TGFBR2: variants seen among roughly 807,000 people sequenced by gnomAD.
TGFBR2 encodes the protein TGF-beta receptor type-2.
In TGFBR2, 18 loss-of-function variants were observed where a neutral mutation model predicts 49.0. That is an observed-to-expected ratio of 0.37 (90% confidence interval 0.25 to 0.54). The LOEUF (loss-of-function observed/expected upper bound fraction) is 0.54, where lower values mean the gene tolerates loss of function less well. Ranked by LOEUF, TGFBR2 falls within the 20% of genes least tolerant of loss-of-function variation. The pLI, the probability that TGFBR2 is intolerant of heterozygous loss-of-function variation, is 0.85. For missense variants in TGFBR2, 525 were observed against 722.6 expected (o/e 0.73, Z 3.13); for synonymous variants, 282 against 275.9 (o/e 1.02, Z -0.22).
upstream of TGFBR2, chr3:30,606,525 G>A: frequency 3.8e-6 from 1 of 264,920 alleles, no homozygotes; most frequent in Non-Finnish European, 7.2e-6. Flanking sequence ...GCTCTCGGGC[G>A]GAGAGAGGTC....
At chr3:30,664,052 A>G (rs774559078) in intron 3 of TGFBR2, among the ~76,000 whole-genome samples, 8 of 151,808 alleles carry the variant, frequency 5.3e-5, no homozygotes, top group Non-Finnish European at 8.8e-5. Context: ...TGGCACCATT[A>G]TAGCTCACTG....
At chr3:30,644,602 C>A in intron 1 of TGFBR2, 145 bp from the exon 2 acceptor site, 1 of 773,294 alleles carries the variant, frequency 1.3e-6, no homozygotes, top group Non-Finnish European at 2.2e-6. Flanking sequence ...TAATTCTAAT[C>A]TGATGTGAAG....
At chr3:30,641,477 G>A (rs1332295782) in intron 1 of TGFBR2, among the ~76,000 whole-genome samples, 1 of 152,098 alleles carries the variant, frequency 6.6e-6, no homozygotes, top group Non-Finnish European at 1.5e-5. Flanking sequence ...AACTAATAGG[G>A]AGTCGATGGC....
At chr3:30,637,063 G>GA (rs752993282) in intron 1 of TGFBR2, among the ~76,000 whole-genome samples, 1,484 of 98,982 alleles carry the variant, frequency 0.015, 30 homozygotes, top group African/African-American at 0.047. Context: ...GACTCTGTCT[G>GA]AAAAAAAAAA....
intron 3 of TGFBR2, among the ~76,000 whole-genome samples, chr3:30,659,706 A>AG (rs1439578923): frequency 6.6e-6 from 1 of 151,466 alleles, no homozygotes; most frequent in African/African-American, 2.4e-5. Flanking sequence ...TGAGTGGCCA[A>AG]GAAAGCAGTC....
rs1033150612 is a variant in TGFBR2 at position 30,694,123 on chromosome 3, T to C, written c.*2524T>C. On this transcript the variant is annotated 3_prime_UTR_variant, in exon 7 of 7. Coordinates refer to ENST00000295754, the MANE Select transcript of TGFBR2 (RefSeq NM_003242.6). Reference sequence around the variant, plus strand: ...CTCAGGTGAGCATCCTGCCTCCTGTTCCCATTCCTAGTAGCTAAATCCATT... The same window carrying C: ...CTCAGGTGAGCATCCTGCCTCCTGTCCCCATTCCTAGTAGCTAAATCCATT... The C allele has an allele frequency of 4.4e-6, 1 of 227,778 alleles. No homozygotes were observed. Among genetic ancestry groups the C allele is most frequent in the African/African-American group, 2.2e-5 (1 of 45,058 alleles). The allele number at this position is 227,778 out of a possible 1,614,324, so 14.1% of individuals were successfully genotyped here. A position where few individuals can be genotyped will look rare whatever the true frequency, so the allele number is the denominator to read the frequency against.
chr3:30,612,203 T>C (rs936401409), intron 1 of TGFBR2, among the ~76,000 whole-genome samples: 1 of 152,160 alleles, frequency 6.6e-6, no homozygotes, highest in Non-Finnish European at 1.5e-5. Context: ...CCACTTGATA[T>C]TATGTATCTC....
chr3:30,607,778 A>G (rs1356815663), intron 1 of TGFBR2, among the ~76,000 whole-genome samples: 1 of 143,288 alleles, frequency 7.0e-6, no homozygotes, highest in Non-Finnish European at 1.5e-5. Flanking sequence ...AAGGTTTTTA[A>G]GGAAAAAATA....
intron 5 of TGFBR2, 42 bp downstream of exon 5, chr3:30,674,288 T>A (rs756557655): frequency 6.2e-7 from 1 of 1,612,476 alleles, no homozygotes; most frequent in Non-Finnish European, 8.5e-7. Context: ...TAAACTTGTC[T>A]TCAAAATAAG....
intron 1 of TGFBR2, among the ~76,000 whole-genome samples, chr3:30,632,682 G>A (rs183814371): frequency 1.3e-5 from 2 of 152,294 alleles, no homozygotes; most frequent in East Asian, 1.9e-4. Flanking sequence ...TGCATGGAAT[G>A]TTACCTTTCT....
At chr3:30,627,114 T>C (rs1298535375) in intron 1 of TGFBR2, among the ~76,000 whole-genome samples, 2 of 152,164 alleles carry the variant, frequency 1.3e-5, no homozygotes, top group African/African-American at 2.4e-5. Flanking sequence ...GGAAGCTCCT[T>C]AGAGTGCCAG....
At position 30,691,781 on chromosome 3, in the gene TGFBR2, C is replaced by T. The variant is rs1173417122; in HGVS notation, c.*182C>T. On this transcript the variant is annotated 3_prime_UTR_variant, in exon 7 of 7. Coordinates refer to ENST00000295754, the MANE Select transcript of TGFBR2 (RefSeq NM_003242.6). Reference sequence around the variant, plus strand: ...CAGGGAGTGGGTGACATAGAGCATTCTATGCCTTTGACATTGTCATAGGAT... The same window carrying T: ...CAGGGAGTGGGTGACATAGAGCATTTTATGCCTTTGACATTGTCATAGGAT... The T allele has an allele frequency of 1.5e-6, 1 of 652,724 alleles. No homozygotes were observed. Among genetic ancestry groups the T allele is most frequent in the Non-Finnish European group, 2.7e-6 (1 of 367,086 alleles). The allele number at this position is 652,724 out of a possible 1,614,324, so 40.4% of individuals were successfully genotyped here. A position where few individuals can be genotyped will look rare whatever the true frequency, so the allele number is the denominator to read the frequency against.
At chr3:30,646,797 A>G (rs1575144771) in intron 2 of TGFBR2, among the ~76,000 whole-genome samples, 1 of 152,126 alleles carries the variant, frequency 6.6e-6, no homozygotes, top group Admixed American at 6.6e-5. Flanking sequence ...TTTGCAACCC[A>G]AAAAGGCTCT....
In TGFBR2 at chr3:30,693,686, C is replaced by T; in HGVS notation, c.*2087C>T. On this transcript the variant is annotated 3_prime_UTR_variant, in exon 7 of 7. Coordinates refer to ENST00000295754, the MANE Select transcript of TGFBR2 (RefSeq NM_003242.6). ...CACCGTAGGGCATGCTGATACCATC[C>T]CAATAGCTGTTGCCCATTGACCTCT... The T allele has an allele frequency of 4.3e-6, 1 of 233,630 alleles. No individual in the cohort carries two copies. Among genetic ancestry groups the T allele is most frequent in the Non-Finnish European group, 8.5e-6 (1 of 117,952 alleles). 14.5% of individuals were successfully genotyped at this position (233,630 alleles called of 1,614,324 possible).
At chr3:30,630,052 A>G (rs1698407532) in intron 1 of TGFBR2, among the ~76,000 whole-genome samples, 1 of 152,202 alleles carries the variant, frequency 6.6e-6, no homozygotes, top group Non-Finnish European at 1.5e-5. Flanking sequence ...TTACATTTAT[A>G]GGCATACATT....
At chr3:30,620,895 CT>C (rs768027186) in intron 1 of TGFBR2, among the ~76,000 whole-genome samples, 1 of 152,148 alleles carries the variant, frequency 6.6e-6, no homozygotes, top group African/African-American at 2.4e-5. Context: ...AAGGTGACCC[CT>C]GGTTGTACTT....
chr3:30,625,111 T>C (rs1575134755), intron 1 of TGFBR2, among the ~76,000 whole-genome samples: 4 of 152,374 alleles, frequency 2.6e-5, no homozygotes, highest in African/African-American at 9.6e-5. Flanking sequence ...TTTTACATAC[T>C]GATTCCTGTT....
chr3:30,638,994 A>T (rs1698593959), intron 1 of TGFBR2, among the ~76,000 whole-genome samples: 2 of 152,140 alleles, frequency 1.3e-5, no homozygotes, highest in South Asian at 4.2e-4. Context: ...TTCTGGGCCC[A>T]TATGGTGATC....
Position 30,672,087 on chromosome 3 carries a change from G to A in TGFBR2, c.904G>A (p.Glu302Lys), listed in dbSNP as rs2125435000. 1.2e-6 allele frequency: 2 copies of A among 1,614,220 alleles called. No homozygotes were observed. Among genetic ancestry groups the A allele is most frequent in the Middle Eastern group, 1.6e-4 (1 of 6,062 alleles). The change falls in exon 4 of 7, where the codon GAG becomes AAG. Residue 302 changes from glutamate (E) to lysine (K), a missense_variant. Glu to Lys is a moderately conservative substitution (Grantham distance 56). Around this residue, in one of 3 missense-constraint regions of TGFBR2, gnomAD observed 376 missense variants for 478.2 expected, o/e 0.79. Transcript: ENST00000295754. This position sits in a 1 kb window ranked among gnomAD's most constrained non-coding sequence, Gnocchi z 4.5. ...DIFSDINLKH[E>K]NILQFLTAEE... is the part of the protein sequence containing the mutation. Reference sequence around the variant, plus strand: ...CTTCTCAGACATCAATCTGAAGCATGAGAACATACTCCAGTTCCTGACGGC... The same window carrying A: ...CTTCTCAGACATCAATCTGAAGCATAAGAACATACTCCAGTTCCTGACGGC...
Sources: gnomAD v4.1 joint callset for allele counts (sites outside exome capture counted in the v4.1 genomes callset) on GRCh38, gnomAD v4.1.1 for gene constraint, gnomAD v4.1.1 regional missense constraint, Gnocchi (gnomAD v3.1) non-coding constraint, MANE v1.5 for transcripts, NCBI Gene and HGNC (gene_info 2026-07-23, HGNC 2026-07-21) for gene names.